NRDC: variants seen among roughly 807,000 people sequenced by gnomAD.
NRDC encodes the protein nardilysin.
In NRDC, 54 loss-of-function variants were observed where a neutral mutation model predicts 147.1. That is an observed-to-expected ratio of 0.37 (90% CI 0.29 to 0.46). The LOEUF is 0.46. NRDC is among the 20% of genes least tolerant of loss of function. The pLI is 1.00. For missense variants in NRDC, 1,082 were observed against 1,370.6 expected, an observed-to-expected ratio of 0.79 and a Z score of 3.33; for synonymous variants, 440 against 482.1, an observed-to-expected ratio of 0.91 and a Z score of 1.14.
At chr1:51,844,740 G>A (rs925966050) in intron 1 of NRDC, among the ~76,000 whole-genome samples, 2 of 138,254 alleles carry the variant, frequency 1.4e-5, no homozygotes, top group African/African-American at 2.7e-5. Context: ...CAAGACTCAG[G>A]AAGAAAGGAA....
chr1:51,792,274 C>T (rs1678691954), intron 25 of NRDC, 103 bp downstream of exon 25: 1 of 1,373,960 alleles, frequency 7.3e-7, no homozygotes, highest in Non-Finnish European at 1.0e-6. Context: ...CTTCAAATCA[C>T]AGATCTCTGA....
At chr1:51,856,819 G>C (rs762880743) in intron 1 of NRDC, among the ~76,000 whole-genome samples, 65 of 152,166 alleles carry the variant, frequency 4.3e-4, no homozygotes, top group Non-Finnish European at 1.8e-4. Flanking sequence ...TGGGGCAGAT[G>C]AGAGATGGAT....
At position 51,856,398 on chromosome 1, in the gene NRDC, AAC is replaced by A. The variant is rs527356445; in HGVS notation, c.342-15886_342-15885del. Among the ~76,000 whole-genome samples the A allele has an allele frequency of 1.3e-4, 20 of 152,208 alleles. No individual in the cohort carries two copies. In the South Asian group the frequency reaches 4.2e-3, roughly 32 times the overall value. ...CCCAAGACTGCCCTGCCAACAAACAAACATACCAGTTTCAAGTCCAGACCTCT... is the reference window on the plus strand; with the variant it reads ...CCCAAGACTGCCCTGCCAACAAACAAATACCAGTTTCAAGTCCAGACCTCT... On this transcript the variant is annotated intron_variant, in intron 1 of 30. Transcript: ENST00000352171.
Position 51,794,596 on chromosome 1 carries a change from T to C in NRDC, c.2651A>G (p.Lys884Arg). ...LKYVVDKLNF[K>R]PLEQEMPVQF... ...CACAGGCATCTCCTGCTCCAGAGGC[T>C]TGAAGTTTAGTTTGCTGCAAGAGAA... is the stretch of plus-strand genomic sequence containing the variant. Residue 884 changes from lysine to arginine, a missense_variant, in exon 24 of 31, where the codon AAG (lysine) becomes AGG (arginine). By Grantham distance (26) the Lys-to-Arg change is conservative. Around this residue, in one of 3 missense-constraint regions of NRDC, gnomAD observed 635 missense variants for 923.8 expected, o/e 0.69. Coordinates refer to ENST00000352171, the MANE Select transcript of NRDC (RefSeq NM_001101662.2). 1 of 1,614,162 alleles carries C rather than the reference T, an allele frequency of 6.2e-7. No homozygotes were observed. The highest frequency in any genetic ancestry group is 1.3e-5 in the African/African-American group (1 of 75,052).
chr1:51,808,232 A>AGT (rs1256713738), intron 17 of NRDC, among the ~76,000 whole-genome samples: 1 of 152,238 alleles, frequency 6.6e-6, no homozygotes, highest in African/African-American at 2.4e-5. Context: ...TACCACTTCT[A>AGT]GCTAGTTCCA....
intron 3 of NRDC, 75 bp from the exon 4 acceptor site, chr1:51,834,245 A>G (rs985411440): frequency 6.9e-7 from 1 of 1,445,210 alleles, no homozygotes; most frequent in African/African-American, 1.4e-5. Context: ...ACTTTCTTAT[A>G]TGCATAGAAA....
intron 15 of NRDC, 77 bp downstream of exon 15, chr1:51,811,917 G>C (rs1557906291): frequency 2.1e-6 from 2 of 937,288 alleles, no homozygotes; most frequent in Middle Eastern, 4.3e-4. Flanking sequence ...CGTTCCCATG[G>C]TTCTTAAATA....
At chr1:51,838,670 C>T (rs983030992) in intron 2 of NRDC, among the ~76,000 whole-genome samples, 4 of 151,752 alleles carry the variant, frequency 2.6e-5, no homozygotes, top group African/African-American at 7.2e-5. Flanking sequence ...CCTAAAATCA[C>T]GCAGAAAGAA....
chr1:51,839,552 A>G (rs958449786), intron 2 of NRDC, among the ~76,000 whole-genome samples: 1 of 152,130 alleles, frequency 6.6e-6, no homozygotes, highest in Non-Finnish European at 1.5e-5. Context: ...TACTATGAAA[A>G]TGGAGGTATT....
chr1:51,807,164 T>C (rs1230341325), intron 17 of NRDC, among the ~76,000 whole-genome samples: 1 of 152,222 alleles, frequency 6.6e-6, no homozygotes, highest in Non-Finnish European at 1.5e-5. Flanking sequence ...TTCATTCCCT[T>C]TCTTACAGAC....
At chr1:51,799,396 T>TC (rs1421221029) in intron 21 of NRDC, among the ~76,000 whole-genome samples, 1 of 151,630 alleles carries the variant, frequency 6.6e-6, no homozygotes, top group East Asian at 1.9e-4. Context: ...CCTCCCTGTG[T>TC]CCATGTCCTT....
intron 1 of NRDC, among the ~76,000 whole-genome samples, chr1:51,864,015 C>A (rs546869457): frequency 6.6e-6 from 1 of 152,314 alleles, no homozygotes; most frequent in South Asian, 2.1e-4. Context: ...AATCATCCAA[C>A]ACAAAGTCTA....
Position 51,825,315 on chromosome 1 carries a change from A to T in NRDC, c.1008T>A (p.Pro336=). ...KEMLFGSLAR[P]GHPMGKFFWG... is the part of the protein sequence containing the mutation. The stretch of plus-strand genomic sequence containing the variant: ...AAAAAAATTTTCCCATAGGATGTCC[A>T]GGTCTAGCAAGGCTTCCAAACAACA... Residue 336 remains proline, a synonymous_variant, in exon 6 of 31, where the codon CCT becomes CCA. Transcript: ENST00000352171. 1 of 1,600,566 alleles carries T rather than the reference A, an allele frequency of 6.2e-7. No individual in the cohort carries two copies. The highest frequency in any genetic ancestry group is 8.5e-7 in the Non-Finnish European group (1 of 1,176,622).
chr1:51,870,200 C>T (rs994128283), intron 1 of NRDC, among the ~76,000 whole-genome samples: 1 of 152,214 alleles, frequency 6.6e-6, no homozygotes, highest in Non-Finnish European at 1.5e-5. Flanking sequence ...ATAAAACAGA[C>T]ATGATCTCCG....
In NRDC at chr1:51,814,072, C is replaced by T. The variant is rs773828082; in HGVS notation, c.1637G>A (p.Arg546Gln). The change falls in exon 14 of 31, where the codon CGG becomes CAG. Residue 546 changes from arginine (R) to glutamine (Q), a missense_variant. Around this residue, in one of 3 missense-constraint regions of NRDC, gnomAD observed 635 missense variants for 923.8 expected, o/e 0.69. Coordinates refer to ENST00000352171, the MANE Select transcript of NRDC (RefSeq NM_001101662.2). ...ATGAAATTCATTATCCTCAATTTTCCGAATCTCTTCAAAAATTCTGTGAAG... is the reference window on the plus strand; with the variant it reads ...ATGAAATTCATTATCCTCAATTTTCTGAATCTCTTCAAAAATTCTGTGAAG... Reference protein sequence around the residue: ...GPEKRIFEEIRKIEDNEFHYQ... With the variant: ...GPEKRIFEEIQKIEDNEFHYQ... 16 of 1,601,456 alleles carry T rather than the reference C, an allele frequency of 1.0e-5. No individual in the cohort carries two copies. The highest frequency in any genetic ancestry group is 4.5e-5 in the East Asian group (2 of 44,724).
intron 3 of NRDC, 76 bp from the exon 4 acceptor site, chr1:51,834,246 T>C (rs1261014149): frequency 2.8e-6 from 4 of 1,448,480 alleles, no homozygotes; most frequent in Non-Finnish European, 3.8e-6. Context: ...CTTTCTTATA[T>C]GCATAGAAAA....
chr1:51,842,939 C>G (rs144170864), intron 1 of NRDC, among the ~76,000 whole-genome samples: 1 of 151,798 alleles, frequency 6.6e-6, no homozygotes, highest in African/African-American at 2.4e-5. Context: ...CATGGTGTAT[C>G]TATGGTCCCA....
chr1:51,846,099 A>C (rs1681559266), intron 1 of NRDC, among the ~76,000 whole-genome samples: 1 of 151,554 alleles, frequency 6.6e-6, no homozygotes, highest in Admixed American at 6.6e-5. Flanking sequence ...AGATACAAAG[A>C]TATTTTACAC....
chr1:51,845,596 A>AAG (rs71578084), intron 1 of NRDC, among the ~76,000 whole-genome samples: 2 of 152,048 alleles, frequency 1.3e-5, no homozygotes, highest in African/African-American at 4.8e-5. Context: ...CCGTCACAAA[A>AAG]AAAAGAAAAG....
Sources: allele counts gnomAD v4.1 joint callset (sites outside exome capture counted in the v4.1 genomes callset), GRCh38; gene constraint gnomAD v4.1.1; regional missense constraint gnomAD v4.1.1; transcripts MANE v1.5; gene names NCBI Gene and HGNC (gene_info 2026-07-23, HGNC 2026-07-21).